Variants in AARS2 observed in about 807,000 individuals in gnomAD.
AARS2 encodes the protein alanine--tRNA ligase, mitochondrial.
In AARS2, 78 loss-of-function variants were observed where a neutral mutation model predicts 119.7. The ratio of observed to expected loss-of-function variants is 0.65; its 90% CI spans 0.54 to 0.79. The LOEUF (loss-of-function observed/expected upper bound fraction) is 0.79. Ranked by LOEUF, AARS2 falls within the 30% of genes least tolerant of loss-of-function variation. The probability of loss-of-function intolerance (pLI) is 0.00; values close to 1 mark genes in which losing one functional copy is unlikely to be tolerated. For synonymous variants in AARS2, 502 were observed against 526.3 expected, an observed-to-expected ratio of 0.95 and a Z score of 0.63; for missense variants, 1,157 against 1,291.3, an observed-to-expected ratio of 0.90 and a Z score of 1.59.
At position 44,311,139 on chromosome 6, in the gene AARS2, A is replaced by G. The variant is rs1306447247; in HGVS notation, c.604T>C (p.Ser202Pro). The change falls in exon 4 of 22, where the codon TCC becomes CCC. Residue 202 changes from serine (S) to proline (P), a missense_variant. Coordinates refer to ENST00000244571, the MANE Select transcript of AARS2 (RefSeq NM_020745.4). Reference protein sequence around the residue: ...SLGVPASRVLSFGPQENFWEM... With the variant: ...SLGVPASRVLPFGPQENFWEM... ...CAGAAGTTCTCTTGTGGTCCAAAGG[A>G]AAGCACACGGCTAGCAGGCACCCTG... 6.2e-7 allele frequency: 1 copy of G among 1,614,148 alleles called. No individual in the cohort carries two copies. The highest frequency in any genetic ancestry group is 8.5e-7 in the Non-Finnish European group (1 of 1,180,038).
At chr6:44,303,865 C>A (rs1427859944) in intron 14 of AARS2, among the ~76,000 whole-genome samples, 1 of 152,062 alleles carries the variant, frequency 6.6e-6, no homozygotes, top group Non-Finnish European at 1.5e-5. Context: ...AGAGGGCAGC[C>A]CAGTTTAGGC....
Position 44,307,001 on chromosome 6 carries a change from A to C in AARS2, c.1071T>G (p.Ala357=). The change falls in exon 7 of 22, where the codon GCT becomes GCG. Residue 357 remains alanine, a synonymous_variant. Transcript: ENST00000244571. This position sits in a 1 kb window ranked among gnomAD's most constrained non-coding sequence, Gnocchi z 4.4. The stretch of plus-strand genomic sequence containing the variant: ...TTAAGATCTCCATGGAGAAACGCAC[A>C]GCTCGACGCAGGATCCGACGAAGAA... The part of the protein sequence containing the change: ...PLVLRRILRR[A]VRFSMEILKA... 1 of 1,614,088 alleles carries C rather than the reference A, an allele frequency of 6.2e-7. No individual in the cohort carries two copies. The highest frequency in any genetic ancestry group is 8.5e-7 in the Non-Finnish European group (1 of 1,179,968).
chr6:44,308,850 C>G (rs757772343), intron 5 of AARS2, among the ~76,000 whole-genome samples: 1 of 152,120 alleles, frequency 6.6e-6, no homozygotes, highest in Non-Finnish European at 1.5e-5. Context: ...GATCCGCCCC[C>G]CTCTGCCTCC....
At chr6:44,306,882 G>GCCCAGGGAGGCCCAGAGTGA (rs763920257) in intron 7 of AARS2, 41 bp downstream of exon 7, 17 of 1,583,186 alleles carry the variant, frequency 1.1e-5, no homozygotes, top group Non-Finnish European at 1.5e-5. Flanking sequence ...TCCCCAAAGT[G>GCCCAGGGAGGCCCAGAGTGA]CCCAGGGAGG....
In AARS2 at chr6:44,300,538, G is replaced by A. The variant is rs772455600; in HGVS notation, c.*9C>T. The A allele has an allele frequency of 1.8e-4, 283 of 1,613,820 alleles. No homozygotes were observed. Among genetic ancestry groups the A allele is most frequent in the East Asian group, 1.6e-4 (7 of 44,884 alleles). ...CTTTAGTCCATGTGGGTCCCTGGGCGGACCTGGGTCAGAGCTGGCTGAGGG... is the reference window on the plus strand; with the variant it reads ...CTTTAGTCCATGTGGGTCCCTGGGCAGACCTGGGTCAGAGCTGGCTGAGGG... On this transcript the variant is annotated 3_prime_UTR_variant, in exon 22 of 22. Coordinates refer to ENST00000244571, the MANE Select transcript of AARS2 (RefSeq NM_020745.4).
At position 44,303,336 on chromosome 6, in the gene AARS2, C is replaced by A; in HGVS notation, c.2095G>T (p.Val699Leu). The change falls in exon 15 of 22, where the codon GTG (valine) becomes TTG (leucine). Residue 699 changes from valine to leucine, a missense_variant. Coordinates refer to ENST00000244571, the MANE Select transcript of AARS2 (RefSeq NM_020745.4). ...ACCTGGGCAGTGAGCGCCAGGGGCA[C>A]CTCCTCCATGTACACAGCCTCATCC... ...GQDEAVYMEE[V>L]PLALTAQVPG... is the part of the protein sequence containing the mutation. 2 of 1,614,060 alleles carry A rather than the reference C, an allele frequency of 1.2e-6. No homozygotes were observed. The highest frequency in any genetic ancestry group is 1.3e-5 in the African/African-American group (1 of 75,054).
At chr6:44,304,032 G>T in intron 14 of AARS2, 149 bp downstream of exon 14, 1 of 1,168,720 alleles carries the variant, frequency 8.6e-7, no homozygotes, top group East Asian at 2.5e-5. Flanking sequence ...GGAGCCCAAG[G>T]GGAAAGGACT....
chr6:44,304,753 G>A lies in AARS2; in HGVS notation c.1644C>T (p.Ser548=), dbSNP rs377764395. The change falls in exon 12 of 22, where the codon TCC becomes TCT. Residue 548 remains serine, a synonymous_variant. Transcript: ENST00000244571. The part of the protein sequence containing the change: ...LYTEDGTAVA[S]VGKGQRCGLL... ...GGCCACAGCGCTGGCCTTTCCCCAC[G>A]GAGGCCACTGCTGTCCCGTCCTCTG... The A allele has an allele frequency of 8.1e-6, 13 of 1,614,226 alleles. No homozygotes were observed. Among genetic ancestry groups the A allele is most frequent in the South Asian group, 2.2e-5 (2 of 91,078 alleles).
intron 4 of AARS2, among the ~76,000 whole-genome samples, chr6:44,310,690 C>A (rs1342484333): frequency 1.3e-5 from 2 of 152,140 alleles, no homozygotes; most frequent in Non-Finnish European, 2.9e-5. Context: ...ACCAGACATC[C>A]CATCTTGGGA....
chr6:44,310,900 T>G, intron 4 of AARS2, 94 bp downstream of exon 4: 1 of 1,501,484 alleles, frequency 6.7e-7, no homozygotes, highest in Non-Finnish European at 9.3e-7. Context: ...ACCGTTTACA[T>G]GTTTGTTTTT....
At position 44,300,610 on chromosome 6, in the gene AARS2, T is replaced by G; in HGVS notation, c.2895A>C (p.Gly965=). The change falls in exon 22 of 22, where the codon GGA becomes GGC. Residue 965 remains glycine, a synonymous_variant. Transcript: ENST00000244571. ...WGSRVVAQGT[G]STTDLEAALS... is the part of the protein sequence containing the mutation. Reference sequence around the variant, plus strand: ...GGGCAGCTTCCAGGTCAGTAGTGCTTCCGGTGCCTTGGGCCACCACTCGTG... The same window carrying G: ...GGGCAGCTTCCAGGTCAGTAGTGCTGCCGGTGCCTTGGGCCACCACTCGTG... The G allele has an allele frequency of 6.2e-7, 1 of 1,614,036 alleles. No individual in the cohort carries two copies. Among genetic ancestry groups the G allele is most frequent in the Non-Finnish European group, 8.5e-7 (1 of 1,180,034 alleles).
At chr6:44,306,426 C>T (rs1223284183) in intron 8 of AARS2, 35 bp from the exon 9 acceptor site, 3 of 1,614,024 alleles carry the variant, frequency 1.9e-6, no homozygotes, top group Non-Finnish European at 2.5e-6. Flanking sequence ...AGCTGGGTCT[C>T]CTTGGAAGGA....
Position 44,302,823 on chromosome 6 carries a change from G to A in AARS2, c.2343C>T (p.Val781=), listed in dbSNP as rs1393869519. The A allele has an allele frequency of 6.2e-7, 1 of 1,613,752 alleles. No individual in the cohort carries two copies. Among genetic ancestry groups the A allele is most frequent in the Non-Finnish European group, 8.5e-7 (1 of 1,179,976 alleles). ...LSKGTTRLLA[V]TGEQAQQARE... The stretch of plus-strand genomic sequence containing the variant: ...TGACCTGCTGGGCCTGCTCCCCAGT[G>A]ACGGCCAGCAGGCGGGTAGTGCCCT... Residue 781 remains valine, a synonymous_variant, in exon 17 of 22, where the codon GTC becomes GTT. Coordinates refer to ENST00000244571, the MANE Select transcript of AARS2 (RefSeq NM_020745.4).
At chr6:44,304,024 A>G (rs1414130905) in intron 14 of AARS2, among the ~76,000 whole-genome samples, 157 bp downstream of exon 14, 1 of 152,162 alleles carries the variant, frequency 6.6e-6, no homozygotes. Flanking sequence ...CTGCACAAGG[A>G]GCCCAAGGGG....
Position 44,301,381 on chromosome 6 carries a change from TGAGA to T in AARS2, c.2678_2681del (p.Leu893GlnfsTer4). 1 of 1,613,988 alleles carries T rather than the reference TGAGA, an allele frequency of 6.2e-7. No homozygotes were observed. Among genetic ancestry groups the T allele is most frequent in the South Asian group, 1.1e-5 (1 of 91,082 alleles). On this transcript the variant is annotated frameshift_variant and splice_region_variant, in exon 20 of 22. Transcript: ENST00000244571. LOFTEE classifies it high-confidence loss of function. ...GCAGCCCGGCTTGGCTAGCACTCAC[TGAGA>T]GAGACTCAGCAGAGACTGTGTCCAC...
chr6:44,313,242 G>C lies in AARS2; in HGVS notation c.82C>G (p.Arg28Gly), dbSNP rs758360552. ...RSPAWRGLSH[R>G]PLSSEPPAAK... Reference sequence around the variant, plus strand: ...GCAGGGGGCTCCGATGAGAGCGGCCGATGGCTGAGGCCCCGCCATGCGGGC... The same window carrying C: ...GCAGGGGGCTCCGATGAGAGCGGCCCATGGCTGAGGCCCCGCCATGCGGGC... The change falls in exon 1 of 22, where the codon CGG (arginine) becomes GGG (glycine). Residue 28 changes from arginine (R) to glycine (G), a missense_variant. Physicochemically the swap from Arg to Gly is moderately radical, Grantham distance 125. Transcript: ENST00000244571. 206 of 1,583,054 alleles carry C rather than the reference G, an allele frequency of 1.3e-4. No homozygotes were observed. The highest frequency in any genetic ancestry group is 1.7e-4 in the Non-Finnish European group (202 of 1,169,812).
Position 44,313,239 on chromosome 6 carries a change from G to C in AARS2, c.85C>G (p.Pro29Ala), listed in dbSNP as rs750271576. ...GCTGCAGGGGGCTCCGATGAGAGCG[G>C]CCGATGGCTGAGGCCCCGCCATGCG... is the stretch of plus-strand genomic sequence containing the variant. ...SPAWRGLSHR[P>A]LSSEPPAAKA... The change falls in exon 1 of 22, where the codon CCG (proline) becomes GCG (alanine). Residue 29 changes from proline (P) to alanine (A), a missense_variant. Physicochemically the swap from Pro to Ala is conservative, Grantham distance 27. Coordinates refer to ENST00000244571, the MANE Select transcript of AARS2 (RefSeq NM_020745.4). The C allele has an allele frequency of 6.3e-7, 1 of 1,585,524 alleles. No individual in the cohort carries two copies. The highest frequency in any genetic ancestry group is 1.9e-4 in the Middle Eastern group (1 of 5,340).
rs748379744 is a variant in AARS2 at position 44,304,330 on chromosome 6, C to A, written c.1867-9G>T. The A allele has an allele frequency of 6.2e-6, 10 of 1,614,050 alleles. No homozygotes were observed. The South Asian group carries it at 9.9e-5, about 16-fold the overall frequency. ...CAGCCTAGACGCCAGGCCTGAAATA[C>A]TTTTGTCACCCAGCGTCCTGGGTGA... On this transcript the variant is annotated splice_polypyrimidine_tract_variant and intron_variant, in intron 13 of 21. Coordinates refer to ENST00000244571, the MANE Select transcript of AARS2 (RefSeq NM_020745.4).
At chr6:44,311,267 A>G in intron 3 of AARS2, 106 bp from the exon 4 acceptor site, 5 of 1,600,976 alleles carry the variant, frequency 3.1e-6, no homozygotes, top group Non-Finnish European at 4.3e-6. Context: ...CAAGAGGAGG[A>G]ACAGGGCTGA....
Sources: gnomAD v4.1 joint callset for allele counts (sites outside exome capture counted in the v4.1 genomes callset) on GRCh38, gnomAD v4.1.1 for gene constraint, Gnocchi (gnomAD v3.1) non-coding constraint, MANE v1.5 for transcripts, NCBI Gene and HGNC (gene_info 2026-07-23, HGNC 2026-07-21) for gene names.